Variants in POU3F3 observed in about 807,000 individuals in gnomAD.
POU3F3 encodes the protein POU class 3 homeobox 3.
Under a neutral mutation model 8.6 loss-of-function variants are expected in POU3F3, and 1 was observed. The ratio of observed to expected loss-of-function variants is 0.12; its 90% CI spans 0.04 to 0.55. POU3F3 has a LOEUF of 0.55. POU3F3 is among the 20% of genes least tolerant of loss of function. POU3F3 has a pLI of 0.91. For synonymous variants in POU3F3, 418 were observed against 327.4 expected, an observed-to-expected ratio of 1.28 and a Z score of -2.99; for missense variants, 577 against 690.7, an observed-to-expected ratio of 0.84 and a Z score of 1.84.
At chr2:104,859,149 G>A (rs1676626746), downstream of POU3F3, among the ~76,000 whole-genome samples, 2 of 150,798 alleles carry the variant, frequency 1.3e-5, no homozygotes, top group South Asian at 2.1e-4. Context: ...TTTTCCCCCC[G>A]TAATAAAAGA....
chr2:104,877,864 G>A, the POU3F3 span, among the ~76,000 whole-genome samples: 3 of 151,566 alleles, frequency 2.0e-5, no homozygotes, highest in Admixed American at 2.0e-4. Context: ...CACCATGTTG[G>A]CCAGGATGAT....
the POU3F3 span, among the ~76,000 whole-genome samples, chr2:104,876,808 G>A: frequency 6.6e-6 from 1 of 152,196 alleles, no homozygotes; most frequent in Non-Finnish European, 1.5e-5. Context: ...AGCAAGCCTT[G>A]GCAGAGACCT....
the POU3F3 span, among the ~76,000 whole-genome samples, chr2:104,902,195 A>C: frequency 1.3e-3 from 192 of 152,206 alleles, no homozygotes; most frequent in African/African-American, 4.1e-3. Context: ...CACAACCCCA[A>C]AAGTGTGAAG....
Position 104,854,193 on chromosome 2 carries a change from GGAGA to G in POU3F3, c.-1308_-1305del, listed in dbSNP as rs1261162948. On this transcript the variant is annotated 5_prime_UTR_variant, in exon 1 of 1. Transcript: ENST00000361360. This position sits in a 1 kb window ranked among gnomAD's most constrained non-coding sequence, Gnocchi z 4.5. The stretch of plus-strand genomic sequence containing the variant: ...GAGCGAGAGCGGGCGCCCGAGAGAG[GGAGA>G]GAGAGAGAGGGAGGGAGAGGAAAAG... Among the ~76,000 whole-genome samples, 1 of 151,918 alleles carries G rather than the reference GGAGA, an allele frequency of 6.6e-6. No homozygotes were observed. The highest frequency in any genetic ancestry group is 2.1e-4 in the South Asian group (1 of 4,822).
chr2:104,910,026 A>C, the POU3F3 span, among the ~76,000 whole-genome samples: 1 of 152,228 alleles, frequency 6.6e-6, no homozygotes, highest in Non-Finnish European at 1.5e-5. Context: ...CCAACCAAGC[A>C]CTTGACTGAA....
chr2:104,920,264 C>T, the POU3F3 span, among the ~76,000 whole-genome samples: 1 of 152,200 alleles, frequency 6.6e-6, no homozygotes. Context: ...ATCCATCCGC[C>T]TCAGCCTCCC....
rs1247034832 is a variant in POU3F3, at chr2:104,854,656, C to T, written c.-855C>T. ...CAACCAAGAGCTCCGGCAATAGCAA[C>T]TTCAGAGAAATGCACCATCGCAAGA... is the stretch of plus-strand genomic sequence containing the variant. On this transcript the variant is annotated 5_prime_UTR_variant, in exon 1 of 1. Transcript: ENST00000361360. The surrounding 1 kb of genome is among the most constrained non-coding windows in gnomAD (Gnocchi z 4.5). Among the ~76,000 whole-genome samples the T allele has an allele frequency of 1.3e-5, 2 of 152,206 alleles. No individual in the cohort carries two copies. Among genetic ancestry groups the T allele is most frequent in the East Asian group, 3.9e-4 (2 of 5,178 alleles).
rs1676582229 is a variant in POU3F3 at position 104,857,093 on chromosome 2, C to T, written c.*80C>T. 2 of 970,730 alleles carry T rather than the reference C, an allele frequency of 2.1e-6. No individual in the cohort carries two copies. The highest frequency in any genetic ancestry group is 1.2e-6 in the Non-Finnish European group (1 of 819,450). The allele number at this position is 970,730 out of a possible 1,614,324, so 60.1% of individuals were successfully genotyped here. On this transcript the variant is annotated 3_prime_UTR_variant, in exon 1 of 1. Coordinates refer to ENST00000361360, the MANE Select transcript of POU3F3 (RefSeq NM_006236.3). ...TCAGCACCGCCGCCGCCCCTGCCGC[C>T]GCCGCCGCCGCCGCCGCCGCCGCTG...
upstream of POU3F3, among the ~76,000 whole-genome samples, chr2:104,854,074 A>G (rs1020221486): frequency 2.0e-4 from 31 of 151,986 alleles, 1 homozygote; most frequent in Non-Finnish European, 3.4e-4. This position sits in a 1 kb window ranked among gnomAD's most constrained non-coding sequence, Gnocchi z 4.5. Flanking sequence ...TGTATTTGGG[A>G]AAGTGTGGTG....
the POU3F3 span, among the ~76,000 whole-genome samples, chr2:104,873,213 G>C: frequency 6.6e-6 from 1 of 152,166 alleles, no homozygotes; most frequent in African/African-American, 2.4e-5. Flanking sequence ...GCAGAGAAAG[G>C]GGCTGTCGTG....
the POU3F3 span, among the ~76,000 whole-genome samples, chr2:104,908,278 A>C: frequency 6.6e-6 from 1 of 152,214 alleles, no homozygotes; most frequent in Non-Finnish European, 1.5e-5. Context: ...GTCATTGATG[A>C]AAATGCTTTG....
the POU3F3 span, among the ~76,000 whole-genome samples, chr2:104,891,900 T>G: frequency 6.6e-6 from 1 of 152,218 alleles, no homozygotes; most frequent in East Asian, 1.9e-4. Context: ...GAGTTTTTGC[T>G]TTTTGGTTGG....
chr2:104,871,909 T>C, the POU3F3 span, among the ~76,000 whole-genome samples: 1 of 152,196 alleles, frequency 6.6e-6, no homozygotes, highest in African/African-American at 2.4e-5. Context: ...ACTTTATTCC[T>C]TCGCAGGAAG....
At chr2:104,911,659 T>A in the POU3F3 span, among the ~76,000 whole-genome samples, 2 of 151,334 alleles carry the variant, frequency 1.3e-5, no homozygotes, top group African/African-American at 4.9e-5. Flanking sequence ...ATAAAAAACA[T>A]GAATTTATCC....
At chr2:104,923,177 T>C in the POU3F3 span, among the ~76,000 whole-genome samples, 14 of 152,196 alleles carry the variant, frequency 9.2e-5, no homozygotes, top group Non-Finnish European at 1.6e-4. Context: ...GAAAGGACAC[T>C]AGAGAGTAAC....
At chr2:104,890,415 G>A in the POU3F3 span, among the ~76,000 whole-genome samples, 2 of 152,102 alleles carry the variant, frequency 1.3e-5, no homozygotes, top group Admixed American at 1.3e-4. Flanking sequence ...GCAGCACAAG[G>A]TTTGTCCTTC....
the POU3F3 span, among the ~76,000 whole-genome samples, chr2:104,877,352 C>A: frequency 6.6e-6 from 1 of 152,166 alleles, no homozygotes; most frequent in Non-Finnish European, 1.5e-5. Context: ...GGGGAGATAG[C>A]CAAAGTGTAT....
chr2:104,908,356 T>G, the POU3F3 span, among the ~76,000 whole-genome samples: 1 of 152,228 alleles, frequency 6.6e-6, no homozygotes, highest in East Asian at 1.9e-4. Flanking sequence ...TCAGAACTCA[T>G]GTCTTCCCAC....
chr2:104,914,999 A>G, the POU3F3 span, among the ~76,000 whole-genome samples: 1 of 152,256 alleles, frequency 6.6e-6, no homozygotes, highest in South Asian at 2.1e-4. Context: ...CAGGACCTAT[A>G]TTCATAGGCA....
Sources: gnomAD v4.1 joint callset for allele counts (sites outside exome capture counted in the v4.1 genomes callset) on GRCh38, gnomAD v4.1.1 for gene constraint, Gnocchi (gnomAD v3.1) non-coding constraint, MANE v1.5 for transcripts, NCBI Gene and HGNC (gene_info 2026-07-23, HGNC 2026-07-21) for gene names.